Variants in BCAS4 observed in about 807,000 individuals in gnomAD.
BCAS4 encodes the protein breast carcinoma amplified sequence 4.
In BCAS4, 9 loss-of-function variants were observed where a neutral mutation model predicts 15.7. The observed-to-expected ratio is 0.57, with a 90% confidence interval of 0.34 to 1.00. The LOEUF is 1.00. BCAS4 is among the 50% of genes least tolerant of loss of function. BCAS4 has a pLI of 0.02. For missense variants in BCAS4, 225 were observed against 239.1 expected (o/e 0.94, Z 0.39); for synonymous variants, 101 against 99.5 (o/e 1.02, Z -0.09).
chr20:50,804,819 G>A (rs781654064), intron 1 of BCAS4, among the ~76,000 whole-genome samples: 12 of 152,170 alleles, frequency 7.9e-5, no homozygotes, highest in Non-Finnish European at 1.2e-4. Context: ...TTGCTTTGGG[G>A]ACCTGAGAGG....
intron 4 of BCAS4, among the ~76,000 whole-genome samples, chr20:50,855,912 C>T (rs2123828574): frequency 6.6e-6 from 1 of 152,346 alleles, no homozygotes; most frequent in East Asian, 1.9e-4. Flanking sequence ...CGGATAATAA[C>T]AAGGTGGGCT....
chr20:50,837,777 A>G (rs553880736), intron 3 of BCAS4, among the ~76,000 whole-genome samples: 1 of 152,318 alleles, frequency 6.6e-6, no homozygotes, highest in East Asian at 1.9e-4. Flanking sequence ...GCGAGTACAC[A>G]TTCCTCAGCT....
chr20:50,818,785 C>T (rs889979782), intron 2 of BCAS4, among the ~76,000 whole-genome samples: 2 of 152,224 alleles, frequency 1.3e-5, no homozygotes, highest in Non-Finnish European at 2.9e-5. Flanking sequence ...TCTGCTTTTA[C>T]CTCCTACTCT....
At chr20:50,843,216 CA>C (rs776688456) in intron 4 of BCAS4, among the ~76,000 whole-genome samples, 1 of 152,176 alleles carries the variant, frequency 6.6e-6, no homozygotes, top group Non-Finnish European at 1.5e-5. Context: ...CTTGACTTCC[CA>C]AAGTGCTGAG....
intron 4 of BCAS4, among the ~76,000 whole-genome samples, chr20:50,861,845 CCTT>C (rs1979091662): frequency 7.0e-6 from 1 of 142,698 alleles, no homozygotes; most frequent in African/African-American, 2.6e-5. Context: ...TTCTTCTTCT[CCTT>C]TTTTTTTTTT....
At chr20:50,859,382 G>GC (rs1358672612) in intron 4 of BCAS4, among the ~76,000 whole-genome samples, 7 of 152,232 alleles carry the variant, frequency 4.6e-5, no homozygotes, top group Admixed American at 4.6e-4. Context: ...AGGAGTAGAG[G>GC]CCGCCTGCTC....
At chr20:50,806,608 C>T (rs1189455667) in intron 1 of BCAS4, among the ~76,000 whole-genome samples, 2 of 152,178 alleles carry the variant, frequency 1.3e-5, no homozygotes, top group Non-Finnish European at 2.9e-5. Context: ...CATCTCAGTT[C>T]TCCTCCATGT....
chr20:50,834,092 A>G (rs1406325421), intron 3 of BCAS4, among the ~76,000 whole-genome samples: 1 of 152,114 alleles, frequency 6.6e-6, no homozygotes, highest in Non-Finnish European at 1.5e-5. Flanking sequence ...TGTAGCCCAT[A>G]GGGTAGGGCC....
At chr20:50,862,976 G>A (rs553085253) in intron 4 of BCAS4, among the ~76,000 whole-genome samples, 3 of 152,182 alleles carry the variant, frequency 2.0e-5, no homozygotes, top group South Asian at 2.1e-4. Flanking sequence ...AATTATAGGC[G>A]CATGCCACCA....
intron 1 of BCAS4, among the ~76,000 whole-genome samples, chr20:50,808,865 T>C (rs2088026964): frequency 6.6e-6 from 1 of 152,246 alleles, no homozygotes; most frequent in Non-Finnish European, 1.5e-5. Context: ...TCTTTGTTTT[T>C]ATTGCATTTG....
intron 2 of BCAS4, 86 bp downstream of exon 2, chr20:50,818,368 G>C: frequency 7.4e-7 from 1 of 1,359,916 alleles, no homozygotes; most frequent in East Asian, 2.5e-5. Context: ...CCATTTTGGT[G>C]GTGAGTTAGC....
chr20:50,827,191 G>A lies in BCAS4; in HGVS notation c.163-3088G>A, dbSNP rs193023089. ...ACATCTCCTTAGTCTATTCCGGTCT[G>A]TGACAGTTTCAGTCTTACCTTGCTT... On this transcript the variant is annotated intron_variant, in intron 2 of 4. Coordinates refer to ENST00000371608, the MANE Select transcript of BCAS4 (RefSeq NM_198799.4). 8.5e-5 allele frequency among the ~76,000 whole-genome samples: 13 copies of A among 152,358 alleles called. No individual in the cohort carries two copies. In the East Asian group the frequency reaches 1.2e-3, roughly 14 times the overall value.
chr20:50,841,755 G>C lies in BCAS4; in HGVS notation c.265-11G>C, dbSNP rs776804680. On this transcript the variant is annotated splice_polypyrimidine_tract_variant and intron_variant, in intron 3 of 4. Coordinates refer to ENST00000371608, the MANE Select transcript of BCAS4 (RefSeq NM_198799.4). Reference sequence around the variant, plus strand: ...ACAGATGCGGCATCATGGCTTCTCCGTGTCCCTCAGGCCTTCGTCAAGATG... The same window carrying C: ...ACAGATGCGGCATCATGGCTTCTCCCTGTCCCTCAGGCCTTCGTCAAGATG... 4 of 1,613,808 alleles carry C rather than the reference G, an allele frequency of 2.5e-6. No individual in the cohort carries two copies. Among genetic ancestry groups the C allele is most frequent in the Admixed American group, 1.7e-5 (1 of 59,992 alleles).
intron 4 of BCAS4, among the ~76,000 whole-genome samples, chr20:50,874,864 A>G (rs1295636482): frequency 2.0e-5 from 3 of 152,216 alleles, no homozygotes; most frequent in Non-Finnish European, 4.4e-5. Context: ...TTTCAGCTGT[A>G]GCCAGAACTG....
intron 3 of BCAS4, chr20:50,840,696 C>T: frequency 6.2e-7 from 1 of 1,613,156 alleles, no homozygotes; most frequent in Admixed American, 1.7e-5. Context: ...CTGTCTTCTT[C>T]AGTTTCGACT....
rs751600956 is a variant in BCAS4 at position 50,818,231 on chromosome 20, C to A, written c.111C>A (p.Thr37=). The part of the protein sequence containing the change: ...PGAEAKEVEE[T]IEGMLLRLEE... ...TTCAGGCGAAGGAGGTGGAGGAGAC[C>A]ATCGAGGGCATGCTCCTCAGGCTGG... Residue 37 remains threonine, a synonymous_variant, in exon 2 of 5, where the codon ACC becomes ACA. Transcript: ENST00000371608. 1 of 1,613,850 alleles carries A rather than the reference C, an allele frequency of 6.2e-7. No homozygotes were observed. Among genetic ancestry groups the A allele is most frequent in the Non-Finnish European group, 8.5e-7 (1 of 1,179,986 alleles).
At position 50,834,292 on chromosome 20, in the gene BCAS4, C is replaced by CTTTT. The variant is rs74175526; in HGVS notation, c.264+3930_264+3933dup. ...CTGCCCAGGCTGGTCTCGAACTCTTCTTTTTTTTTTTTTTTTTTTTTGAGA... is the reference window on the plus strand; with the variant it reads ...CTGCCCAGGCTGGTCTCGAACTCTTCTTTTTTTTTTTTTTTTTTTTTTTTTGAGA... On this transcript the variant is annotated intron_variant, in intron 3 of 4. Coordinates refer to ENST00000371608, the MANE Select transcript of BCAS4 (RefSeq NM_198799.4). Among the ~76,000 whole-genome samples, 261 of 121,070 alleles carry CTTTT rather than the reference C, an allele frequency of 2.2e-3. 6 individuals are homozygous for CTTTT. Among genetic ancestry groups the CTTTT allele is most frequent in the African/African-American group, 4.8e-3 (144 of 30,110 alleles). The allele number at this position is 121,070 out of a possible 152,430, so 79.4% of individuals were successfully genotyped here.
intron 4 of BCAS4, among the ~76,000 whole-genome samples, chr20:50,864,881 G>A (rs1979278931): frequency 6.6e-6 from 1 of 151,602 alleles, no homozygotes; most frequent in African/African-American, 2.4e-5. Context: ...ATTACTTGAG[G>A]TCAGGAGTTT....
At chr20:50,807,469 C>T (rs930712050) in intron 1 of BCAS4, among the ~76,000 whole-genome samples, 7 of 152,250 alleles carry the variant, frequency 4.6e-5, no homozygotes, top group African/African-American at 1.4e-4. Context: ...GCTGGGATTA[C>T]AGGCATGGGC....
Sources: gnomAD v4.1 joint callset for allele counts (sites outside exome capture counted in the v4.1 genomes callset) on GRCh38, gnomAD v4.1.1 for gene constraint, MANE v1.5 for transcripts, NCBI Gene and HGNC (gene_info 2026-07-23, HGNC 2026-07-21) for gene names.